SPATC1: variants seen among roughly 807,000 people sequenced by gnomAD.
SPATC1 encodes spermatogenesis and centriole associated 1.
SPATC1 carries 35 observed loss-of-function variants against 36.5 expected under a neutral mutation model. That is an observed-to-expected ratio of 0.96 (90% confidence interval 0.73 to 1.27). The LOEUF (loss-of-function observed/expected upper bound fraction) is 1.27. SPATC1 is among the 50% of genes most tolerant of loss of function. The pLI is 0.00. For missense variants in SPATC1, 779 were observed against 796.0 expected (o/e 0.98, Z 0.26); for synonymous variants, 361 against 353.6 (o/e 1.02, Z -0.24).
chr8:144,043,523 G>C (rs781882767), intron 4 of SPATC1, among the ~76,000 whole-genome samples: 1 of 151,766 alleles, frequency 6.6e-6, no homozygotes, highest in African/African-American at 2.4e-5. Context: ...CTTGTGATCC[G>C]CCTGCCTTGG....
chr8:144,036,292 T>A (rs1834896627), intron 1 of SPATC1, among the ~76,000 whole-genome samples: 1 of 152,136 alleles, frequency 6.6e-6, no homozygotes. Flanking sequence ...GATTGTGCAA[T>A]TTTGATTTAC....
chr8:144,012,908 C>T (rs948621607), intron 1 of SPATC1, 182 bp downstream of exon 1: 6 of 705,008 alleles, frequency 8.5e-6, no homozygotes, highest in Admixed American at 2.5e-5. Context: ...GCTGCATTCC[C>T]TCCTGTCCAG....
chr8:144,017,194 G>A (rs782012499), intron 1 of SPATC1, among the ~76,000 whole-genome samples: 4 of 152,290 alleles, frequency 2.6e-5, no homozygotes, highest in Admixed American at 6.5e-5. Context: ...CATCCAGAAT[G>A]TATCTGTTGT....
chr8:144,042,307 A>ATTTTTTTTTTTTTTTTTTTTTTTT (rs1835131253), intron 4 of SPATC1, among the ~76,000 whole-genome samples: 1 of 49,460 alleles, frequency 2.0e-5, no homozygotes, highest in Non-Finnish European at 3.2e-5. Flanking sequence ...ATATATATAT[A>ATTTTTTTTTTTTTTTTTTTTTTTT]TATATTTTTT....
At position 144,030,451 on chromosome 8, in the gene SPATC1, T is replaced by C. The variant is rs888157980; in HGVS notation, c.212-9458T>C. On this transcript the variant is annotated intron_variant, in intron 1 of 4. Transcript: ENST00000377470. The stretch of plus-strand genomic sequence containing the variant: ...TCAGCTCACTGCAGCCTCCGCCTCC[T>C]GGGTTCAAGCAATTCTCCTGCTTCC... Among the ~76,000 whole-genome samples the C allele has an allele frequency of 5.9e-5, 9 of 152,342 alleles. No individual in the cohort carries two copies. The East Asian group carries it at 7.7e-4, about 13-fold the overall frequency.
At chr8:144,025,166 C>T (rs1375077817) in intron 1 of SPATC1, among the ~76,000 whole-genome samples, 1 of 151,512 alleles carries the variant, frequency 6.6e-6, no homozygotes, top group Non-Finnish European at 1.5e-5. Flanking sequence ...CATTTCACCT[C>T]AGGACCCTTT....
intron 1 of SPATC1, among the ~76,000 whole-genome samples, chr8:144,037,364 G>C (rs1834929193): frequency 6.6e-6 from 1 of 151,830 alleles, no homozygotes; most frequent in African/African-American, 2.4e-5. Flanking sequence ...TGGCGGTTTT[G>C]AGGAATAGAA....
intron 1 of SPATC1, among the ~76,000 whole-genome samples, chr8:144,023,067 T>G (rs1834576420): frequency 7.0e-6 from 1 of 142,574 alleles, no homozygotes; most frequent in African/African-American, 2.6e-5. Context: ...CAGGTCCCTC[T>G]CCCCTAAGGA....
intron 4 of SPATC1, among the ~76,000 whole-genome samples, chr8:144,044,365 G>A (rs1443297394): frequency 4.0e-5 from 6 of 150,578 alleles, no homozygotes; most frequent in African/African-American, 7.3e-5. Flanking sequence ...GCATTGGCGC[G>A]ATCTTGGCTC....
intron 1 of SPATC1, among the ~76,000 whole-genome samples, chr8:144,026,037 C>T (rs1034488167): frequency 1.3e-5 from 2 of 152,076 alleles, no homozygotes; most frequent in African/African-American, 4.8e-5. Context: ...AATTTTAGAA[C>T]ACTTTCATCA....
chr8:144,014,037 G>A (rs189587752), intron 1 of SPATC1, among the ~76,000 whole-genome samples: 1 of 152,252 alleles, frequency 6.6e-6, no homozygotes, highest in East Asian at 1.9e-4. Context: ...GATCACCTGA[G>A]GTCAGGAGTT....
chr8:144,037,717 A>G (rs1834943319), intron 1 of SPATC1, among the ~76,000 whole-genome samples: 1 of 151,590 alleles, frequency 6.6e-6, no homozygotes. Flanking sequence ...ACCTTTGTTC[A>G]CTTGTTTATC....
chr8:144,037,566 G>C (rs983886872), intron 1 of SPATC1, among the ~76,000 whole-genome samples: 2 of 152,066 alleles, frequency 1.3e-5, no homozygotes, highest in African/African-American at 4.8e-5. Context: ...ATGGATTAAG[G>C]GGGGTGCAAG....
intron 1 of SPATC1, among the ~76,000 whole-genome samples, chr8:144,030,342 T>C (rs1834769075): frequency 1.3e-5 from 2 of 152,018 alleles, no homozygotes; most frequent in African/African-American, 4.8e-5. Context: ...TTCTGCCACA[T>C]TGCTGTGTAT....
chr8:144,037,887 T>C (rs1267555505), intron 1 of SPATC1, among the ~76,000 whole-genome samples: 2 of 151,504 alleles, frequency 1.3e-5, no homozygotes, highest in South Asian at 2.1e-4. Context: ...CCCAGCACTT[T>C]GGGAGGCCAA....
intron 1 of SPATC1, among the ~76,000 whole-genome samples, chr8:144,037,886 T>C (rs1834950473): frequency 6.6e-6 from 1 of 151,272 alleles, no homozygotes; most frequent in African/African-American, 2.4e-5. Flanking sequence ...TCCCAGCACT[T>C]TGGGAGGCCA....
At chr8:144,013,945 G>C (rs1834329863) in intron 1 of SPATC1, among the ~76,000 whole-genome samples, 1 of 152,044 alleles carries the variant, frequency 6.6e-6, no homozygotes, top group South Asian at 2.1e-4. Flanking sequence ...AACAGAGCGA[G>C]ACTCCATCTC....
At chr8:144,036,189 T>G (rs1168486598) in intron 1 of SPATC1, among the ~76,000 whole-genome samples, 2 of 152,182 alleles carry the variant, frequency 1.3e-5, no homozygotes, top group African/African-American at 4.8e-5. Context: ...GCAGGAGGAT[T>G]GCTTGAGGAG....
intron 1 of SPATC1, among the ~76,000 whole-genome samples, chr8:144,030,582 C>T (rs1834773652): frequency 6.6e-6 from 1 of 152,218 alleles, no homozygotes; most frequent in East Asian, 1.9e-4. Context: ...TGGTCTTGAA[C>T]TCCTGACACC....
Sources: allele counts gnomAD v4.1 joint callset (sites outside exome capture counted in the v4.1 genomes callset), GRCh38; gene constraint gnomAD v4.1.1; transcripts MANE v1.5; gene names NCBI Gene and HGNC (gene_info 2026-07-23, HGNC 2026-07-21).